CPT1A: variants seen among roughly 807,000 people sequenced by gnomAD.
CPT1A encodes the protein carnitine palmitoyltransferase 1A, also known as carnitine O-palmitoyltransferase 1, liver isoform.
A neutral mutation model predicts 100.8 loss-of-function variants in CPT1A; 64 were observed. The ratio of observed to expected loss-of-function variants is 0.63; its 90% confidence interval spans 0.52 to 0.78. The LOEUF (loss-of-function observed/expected upper bound fraction) is 0.78. Ranked by LOEUF, CPT1A falls within the 30% of genes least tolerant of loss-of-function variation. The probability of loss-of-function intolerance (pLI) is 0.00; values close to 1 mark genes in which losing one functional copy is unlikely to be tolerated. For missense variants in CPT1A, 802 were observed against 1,034.1 expected, an observed-to-expected ratio of 0.78 and a Z score of 3.08; for synonymous variants, 363 against 396.0, an observed-to-expected ratio of 0.92 and a Z score of 0.99.
intron 14 of CPT1A, among the ~76,000 whole-genome samples, chr11:68,763,711 G>C (rs1261079333): frequency 6.6e-6 from 1 of 152,190 alleles, no homozygotes; most frequent in Admixed American, 6.5e-5. Flanking sequence ...GGCAGCGGGA[G>C]AGGGGTGTGA....
chr11:68,767,215 T>G (rs1312535774), intron 14 of CPT1A, among the ~76,000 whole-genome samples: 1 of 152,262 alleles, frequency 6.6e-6, no homozygotes, highest in African/African-American at 2.4e-5. Flanking sequence ...AGGGCCAGGT[T>G]TGGCCTATGA....
intron 1 of CPT1A, among the ~76,000 whole-genome samples, chr11:68,823,525 A>C (rs747208113): frequency 3.3e-5 from 5 of 152,016 alleles, no homozygotes; most frequent in Non-Finnish European, 5.9e-5. Flanking sequence ...ACGGTGGTTC[A>C]CGCCTGTAAT....
chr11:68,819,059 T>A (rs1315558952), intron 1 of CPT1A, among the ~76,000 whole-genome samples: 2 of 152,166 alleles, frequency 1.3e-5, no homozygotes, highest in Non-Finnish European at 2.9e-5. Context: ...TAAGCAGCTG[T>A]AAGACTCCCG....
At chr11:68,770,304 G>A (rs1854952764) in intron 14 of CPT1A, among the ~76,000 whole-genome samples, 1 of 152,162 alleles carries the variant, frequency 6.6e-6, no homozygotes, top group Admixed American at 6.5e-5. Context: ...CCTTGTGCAA[G>A]AAAGCTGGTG....
chr11:68,796,805 C>T, intron 7 of CPT1A, 51 bp downstream of exon 7: 2 of 1,578,774 alleles, frequency 1.3e-6, no homozygotes, highest in Non-Finnish European at 1.7e-6. Flanking sequence ...TGTGGACAGA[C>T]CCGCCGCCCC....
rs1946665356 is a variant in CPT1A at position 68,755,041 on chromosome 11, T to A, written c.*2603A>T. 1.7e-6 allele frequency: 1 copy of A among 588,326 alleles called. No individual in the cohort carries two copies. The highest frequency in any genetic ancestry group is 3.1e-6 in the Non-Finnish European group (1 of 326,316). 36.4% of individuals were successfully genotyped at this position (588,326 alleles called of 1,614,324 possible). ...GCGTTAAGACAATGGTTTGTTCCAA[T>A]TAAATTAAACAGATAATACTCTTAT... On this transcript the variant is annotated 3_prime_UTR_variant, in exon 19 of 19. Transcript: ENST00000265641.
chr11:68,765,481 C>G (rs897584818), intron 14 of CPT1A, among the ~76,000 whole-genome samples: 1 of 152,124 alleles, frequency 6.6e-6, no homozygotes, highest in Non-Finnish European at 1.5e-5. Context: ...TTCGCTGCCA[C>G]CAAAACATCT....
At chr11:68,782,645 T>C (rs993649824) in intron 10 of CPT1A, among the ~76,000 whole-genome samples, 2 of 152,112 alleles carry the variant, frequency 1.3e-5, no homozygotes, top group Non-Finnish European at 2.9e-5. Flanking sequence ...CTTCCTCGAG[T>C]GCTCCCGGGT....
At chr11:68,841,965 G>A (rs1857171595), upstream of CPT1A, 4 of 985,140 alleles carry the variant, frequency 4.1e-6, no homozygotes, top group Non-Finnish European at 4.8e-6. This position sits in a 1 kb window ranked among gnomAD's most constrained non-coding sequence, Gnocchi z 6.3. Flanking sequence ...GACTCCCGGC[G>A]CGCGGAGGGC....
chr11:68,760,481 C>T, intron 16 of CPT1A, 143 bp from the exon 17 acceptor site: 1 of 619,364 alleles, frequency 1.6e-6, no homozygotes, highest in Middle Eastern at 4.7e-4. Flanking sequence ...GCCTCACTGG[C>T]TTGGGCAGCG....
At position 68,757,522 on chromosome 11, in the gene CPT1A, A is replaced by G; in HGVS notation, c.*122T>C. 3 of 1,546,658 alleles carry G rather than the reference A, an allele frequency of 1.9e-6. No individual in the cohort carries two copies. The highest frequency in any genetic ancestry group is 2.6e-6 in the Non-Finnish European group (3 of 1,149,042). The stretch of plus-strand genomic sequence containing the variant: ...AAAAAAAAACACCCACATTTTCTGG[A>G]AGGAAAACTGAGTTTTTTTAAGAGC... On this transcript the variant is annotated 3_prime_UTR_variant, in exon 19 of 19. Transcript: ENST00000265641.
intron 1 of CPT1A, chr11:68,839,428 C>T (rs1857106029): frequency 2.4e-6 from 2 of 847,098 alleles, no homozygotes; most frequent in African/African-American, 3.7e-5. Flanking sequence ...AGCCCCGCCC[C>T]CAGGCTGGCG....
intron 14 of CPT1A, among the ~76,000 whole-genome samples, chr11:68,766,419 A>C (rs1490234251): frequency 6.6e-6 from 1 of 152,186 alleles, no homozygotes; most frequent in African/African-American, 2.4e-5. Context: ...TCTGAATGTT[A>C]ATTTTTGAAT....
intron 2 of CPT1A, among the ~76,000 whole-genome samples, chr11:68,813,904 CT>C (rs937630505): frequency 6.6e-6 from 1 of 152,192 alleles, no homozygotes; most frequent in African/African-American, 2.4e-5. Flanking sequence ...AACCCACAGG[CT>C]GAGCCCCAGG....
In CPT1A at chr11:68,757,648, T is replaced by C; in HGVS notation, c.2318A>G (p.Lys773Arg). 4 of 1,614,156 alleles carry C rather than the reference T, an allele frequency of 2.5e-6. No individual in the cohort carries two copies. The highest frequency in any genetic ancestry group is 3.4e-6 in the Non-Finnish European group (4 of 1,179,996). Residue 773 changes from lysine (K) to arginine (R), a missense_variant, in exon 19 of 19, where the codon AAG (lysine) becomes AGG (arginine). Physicochemically the swap from Lys to Arg is conservative, Grantham distance 26. Coordinates refer to ENST00000265641, the MANE Select transcript of CPT1A (RefSeq NM_001876.4). ...TTCCCAGCAGCTCCAGTGGAATTAC[T>C]TTTTGGAATTAGAACTGAGACCAAA... ...TLFGLSSNSK[K>R]
At chr11:68,794,552 A>G (rs1316857203) in intron 8 of CPT1A, among the ~76,000 whole-genome samples, 1 of 152,198 alleles carries the variant, frequency 6.6e-6, no homozygotes, top group Admixed American at 6.5e-5. Flanking sequence ...CTGGGATTAC[A>G]GGCGCGTGCC....
At chr11:68,789,565 T>C (rs1855560157) in intron 9 of CPT1A, among the ~76,000 whole-genome samples, 1 of 152,014 alleles carries the variant, frequency 6.6e-6, no homozygotes, top group Non-Finnish European at 1.5e-5. Context: ...CCTGGTTAAT[T>C]TTTGTGGGTT....
At chr11:68,785,853 A>T in intron 9 of CPT1A, 1 of 549,598 alleles carries the variant, frequency 1.8e-6, no homozygotes, top group Non-Finnish European at 3.2e-6. Context: ...TGAGAAAGAA[A>T]GTGGAAAATT....
rs570599508 is a variant in CPT1A at position 68,807,760 on chromosome 11, G to A, written c.282-122C>T. 2.0e-3 allele frequency: 1,829 copies of A among 937,560 alleles called. 3 individuals carry two copies. The highest frequency in any genetic ancestry group is 2.7e-3 in the Non-Finnish European group (1,647 of 600,480). 58.1% of individuals were successfully genotyped at this position (937,560 alleles called of 1,614,324 possible). On this transcript the variant is annotated intron_variant, in intron 3 of 18. Coordinates refer to ENST00000265641, the MANE Select transcript of CPT1A (RefSeq NM_001876.4). ...CCAGCAGCCTGCCCCAGGTACAGCC[G>A]GGAAAGTCAGAGGGAGAGCACTTGC...
Sources: allele counts gnomAD v4.1 joint callset (sites outside exome capture counted in the v4.1 genomes callset), GRCh38; gene constraint gnomAD v4.1.1; non-coding constraint Gnocchi (gnomAD v3.1); transcripts MANE v1.5; gene names NCBI Gene and HGNC (gene_info 2026-07-23, HGNC 2026-07-21).